The following LYRM4 variants were observed in gnomAD, a reference collection of about 807,000 sequenced individuals.
LYRM4 encodes LYR motif containing 4, also known as LYR motif-containing protein 4.
In LYRM4, 9 loss-of-function variants were observed where a neutral mutation model predicts 11.7. That is an observed-to-expected ratio of 0.77 (90% CI 0.46 to 1.34). The LOEUF is 1.34. Ranked by LOEUF, LYRM4 falls within the 40% of genes most tolerant of loss-of-function variation. The pLI is 0.00. For synonymous variants in LYRM4, 42 were observed against 40.4 expected, an observed-to-expected ratio of 1.04 and a Z score of -0.15; for missense variants, 133 against 112.5, an observed-to-expected ratio of 1.18 and a Z score of -0.82.
At chr6:5,152,921 T>G (rs1011796801) in intron 2 of LYRM4, among the ~76,000 whole-genome samples, 1 of 152,148 alleles carries the variant, frequency 6.6e-6, no homozygotes, top group African/African-American at 2.4e-5. Flanking sequence ...ATGACAGGAT[T>G]TAGAATTTTA....
chr6:5,073,463 ATT>A, the LYRM4 span, among the ~76,000 whole-genome samples: 1 of 148,824 alleles, frequency 6.7e-6, no homozygotes, highest in Non-Finnish European at 1.5e-5. Flanking sequence ...GTGTATATAT[ATT>A]TTTTTTCCTA....
chr6:5,145,574 C>T (rs1045673544), intron 2 of LYRM4, among the ~76,000 whole-genome samples: 12 of 152,186 alleles, frequency 7.9e-5, no homozygotes, highest in African/African-American at 2.9e-4. Flanking sequence ...AAAAAAGCTT[C>T]ATCAGAAGGG....
At chr6:5,214,291 G>A (rs879279167) in intron 2 of LYRM4, among the ~76,000 whole-genome samples, 1 of 152,214 alleles carries the variant, frequency 6.6e-6, no homozygotes, top group Non-Finnish European at 1.5e-5. Context: ...CACAGGCCTG[G>A]GTGGAAGGGG....
chr6:5,090,422 G>C, the LYRM4 span, among the ~76,000 whole-genome samples: 8 of 152,198 alleles, frequency 5.3e-5, no homozygotes, highest in Non-Finnish European at 1.2e-4. This position sits in a 1 kb window ranked among gnomAD's most constrained non-coding sequence, Gnocchi z 4.8. Flanking sequence ...CTTAACTAGG[G>C]AGGGTAGGAT....
intron 2 of LYRM4, 48 bp from the exon 3 acceptor site, chr6:5,109,539 C>G: frequency 6.4e-7 from 1 of 1,558,518 alleles, no homozygotes; most frequent in Non-Finnish European, 8.9e-7. Context: ...CCCTCTAGCC[C>G]CTGGGAAAGG....
intron 2 of LYRM4, among the ~76,000 whole-genome samples, chr6:5,117,434 A>G (rs941069960): frequency 3.3e-5 from 5 of 152,140 alleles, no homozygotes; most frequent in African/African-American, 9.7e-5. Flanking sequence ...GTGCGCCTGT[A>G]ATCGCAGCTA....
At chr6:5,157,981 G>C (rs563645049) in intron 2 of LYRM4, among the ~76,000 whole-genome samples, 38 of 152,318 alleles carry the variant, frequency 2.5e-4, no homozygotes, top group Non-Finnish European at 4.7e-4. Flanking sequence ...GACTTGACAG[G>C]GGGGCTGGCC....
intron 1 of LYRM4, among the ~76,000 whole-genome samples, chr6:5,234,807 A>T (rs1763444639): frequency 6.6e-6 from 1 of 152,218 alleles, no homozygotes; most frequent in African/African-American, 2.4e-5. Context: ...TTCTCTGGTA[A>T]CATTACTAGA....
intron 2 of LYRM4, among the ~76,000 whole-genome samples, chr6:5,142,396 C>T (rs1331631030): frequency 6.6e-6 from 1 of 152,208 alleles, no homozygotes; most frequent in Admixed American, 6.5e-5. Context: ...AAGATGATTC[C>T]TGCCCCCAGC....
intron 2 of LYRM4, among the ~76,000 whole-genome samples, chr6:5,190,230 CT>C (rs145664197): frequency 3.2e-4 from 47 of 146,954 alleles, no homozygotes; most frequent in Non-Finnish European, 2.9e-4. Flanking sequence ...TTCCTTGAGG[CT>C]TTTTTTTTTA....
chr6:5,144,198 G>A (rs1434113500), intron 2 of LYRM4: 1 of 1,536,828 alleles, frequency 6.5e-7, no homozygotes, highest in South Asian at 1.2e-5. Context: ...ACTTGTGCAG[G>A]GCTTCCCCAG....
chr6:5,118,392 C>T (rs1176504808), intron 2 of LYRM4, among the ~76,000 whole-genome samples: 1 of 152,136 alleles, frequency 6.6e-6, no homozygotes, highest in Non-Finnish European at 1.5e-5. Flanking sequence ...GCTAGGATTA[C>T]AGGCATGAGC....
At chr6:5,259,369 C>T (rs548055477) in intron 1 of LYRM4, among the ~76,000 whole-genome samples, 1 of 152,310 alleles carries the variant, frequency 6.6e-6, no homozygotes, top group Non-Finnish European at 1.5e-5. Context: ...CTTATTATTA[C>T]ACTCTTTATT....
chr6:5,176,399 T>G, intron 2 of LYRM4, among the ~76,000 whole-genome samples: 1 of 152,196 alleles, frequency 6.6e-6, no homozygotes, highest in South Asian at 2.1e-4. Context: ...AAACAGATTG[T>G]TGGTATACTA....
At chr6:5,115,584 TC>T (rs966384958) in intron 2 of LYRM4, among the ~76,000 whole-genome samples, 2 of 152,138 alleles carry the variant, frequency 1.3e-5, no homozygotes, top group Non-Finnish European at 2.9e-5. Flanking sequence ...AGGGGTGCCC[TC>T]CCGTAAGGCA....
intron 2 of LYRM4, among the ~76,000 whole-genome samples, chr6:5,178,483 C>G (rs1324336890): frequency 6.9e-6 from 1 of 145,318 alleles, no homozygotes; most frequent in Non-Finnish European, 1.5e-5. Flanking sequence ...TAAAAGTAAA[C>G]TACTTTCTGC....
chr6:5,034,415 G>A, the LYRM4 span: 1 of 152,296 alleles, frequency 6.6e-6, no homozygotes, highest in African/African-American at 2.4e-5. Flanking sequence ...CCCAGTGTGG[G>A]AGATGGGGCC....
chr6:5,251,147 T>C (rs182575842), intron 1 of LYRM4, among the ~76,000 whole-genome samples: 13 of 152,292 alleles, frequency 8.5e-5, no homozygotes, highest in Admixed American at 7.2e-4. Flanking sequence ...ATTCCACCTA[T>C]TACTAGGTTC....
chr6:5,074,323 A>G, the LYRM4 span, among the ~76,000 whole-genome samples: 6 of 152,034 alleles, frequency 3.9e-5, no homozygotes, highest in African/African-American at 9.7e-5. Context: ...AAAAATGGCA[A>G]AAAGTTGGTA....
Sources: gnomAD v4.1 joint callset for allele counts (sites outside exome capture counted in the v4.1 genomes callset) on GRCh38, gnomAD v4.1.1 for gene constraint, Gnocchi (gnomAD v3.1) non-coding constraint, MANE v1.5 for transcripts, NCBI Gene and HGNC (gene_info 2026-07-23, HGNC 2026-07-21) for gene names.